The following ZCCHC14 variants were observed in gnomAD, a reference collection of about 807,000 sequenced individuals.
ZCCHC14 encodes the protein zinc finger CCHC-type containing 14, also known as zinc finger CCHC domain-containing protein 14.
ZCCHC14 carries 16 observed loss-of-function variants against 85.0 expected under a neutral mutation model. That is an observed-to-expected ratio of 0.19 (90% confidence interval 0.13 to 0.29). The LOEUF (loss-of-function observed/expected upper bound fraction) is 0.29, where lower values mean the gene tolerates loss of function less well. ZCCHC14 is among the 10% of genes least tolerant of loss of function. The probability of loss-of-function intolerance (pLI) is 1.00; values close to 1 mark genes in which losing one functional copy is unlikely to be tolerated. For synonymous variants in ZCCHC14, 775 were observed against 630.7 expected (o/e 1.23, Z -3.43); for missense variants, 1,303 against 1,443.5 (o/e 0.90, Z 1.58).
chr16:87,413,231 GC>G lies in ZCCHC14; in HGVS notation c.1604-37del, dbSNP rs1335694853. 5.4e-6 allele frequency: 8 copies of G among 1,490,292 alleles called. No homozygotes were observed. In the African/African-American group the frequency reaches 7.0e-5, roughly 13 times the overall value. The allele number at this position is 1,490,292 out of a possible 1,614,324, so 92.3% of individuals were successfully genotyped here. A position where few individuals can be genotyped will look rare whatever the true frequency, so the allele number is the denominator to read the frequency against. On this transcript the variant is annotated intron_variant, in intron 10 of 12. Transcript: ENST00000671377. ...GGGACAGAGGAGCAGCCATCAACTA[GC>G]GCCCCTGCAGGCTCAGCCCGCCCCG... is the stretch of plus-strand genomic sequence containing the variant.
chr16:87,492,023 C>G lies in ZCCHC14; in HGVS notation c.216G>C (p.Leu72=), dbSNP rs1055797189. 5.8e-6 allele frequency: 8 copies of G among 1,389,816 alleles called. No individual in the cohort carries two copies. Among genetic ancestry groups the G allele is most frequent in the African/African-American group, 1.5e-5 (1 of 65,168 alleles). The allele number at this position is 1,389,816 out of a possible 1,614,324, so 86.1% of individuals were successfully genotyped here. A position where few individuals can be genotyped will look rare whatever the true frequency, so the allele number is the denominator to read the frequency against. Residue 72 remains leucine, a synonymous_variant, in exon 1 of 13, where the codon CTG becomes CTC. Coordinates refer to ENST00000671377, the MANE Select transcript of ZCCHC14 (RefSeq NM_015144.3). This position sits in a 1 kb window ranked among gnomAD's most constrained non-coding sequence, Gnocchi z 6.7. ...CGTCCGTCAGGTTGGTGAGGCTGCC[C>G]AGGTCGGCCGGGTTGTTGGCCTTGA... ...SEIKANNPAD[L]GSLTNLTDEV...
intron 2 of ZCCHC14, among the ~76,000 whole-genome samples, chr16:87,456,331 C>T (rs1384738811): frequency 6.6e-6 from 1 of 151,908 alleles, no homozygotes; most frequent in Non-Finnish European, 1.5e-5. Context: ...GAGATCGAGA[C>T]TATCCTGGCT....
At chr16:87,452,855 C>A (rs1030124862) in intron 2 of ZCCHC14, among the ~76,000 whole-genome samples, 56 of 152,192 alleles carry the variant, frequency 3.7e-4, no homozygotes, top group Admixed American at 3.6e-3. Context: ...CTGAAAGAAA[C>A]AGCGAAGCCC....
intron 1 of ZCCHC14, among the ~76,000 whole-genome samples, chr16:87,462,346 T>C (rs965957014): frequency 1.3e-5 from 2 of 152,302 alleles, no homozygotes; most frequent in South Asian, 2.1e-4. Flanking sequence ...ATAGAACCGA[T>C]ACAAGTACGA....
chr16:87,488,554 T>G (rs1215517492), intron 1 of ZCCHC14, among the ~76,000 whole-genome samples: 1 of 152,188 alleles, frequency 6.6e-6, no homozygotes, highest in Non-Finnish European at 1.5e-5. Flanking sequence ...TAATGACTAT[T>G]TCGGAAAATA....
chr16:87,477,400 T>C (rs914289215), intron 1 of ZCCHC14, among the ~76,000 whole-genome samples: 2 of 152,122 alleles, frequency 1.3e-5, no homozygotes, highest in African/African-American at 4.8e-5. Flanking sequence ...GCCGCGCACA[T>C]GGGGCAGCCC....
In ZCCHC14 at chr16:87,407,954, C is replaced by T. The variant is rs1227169146; in HGVS notation, c.*2326G>A. The T allele has an allele frequency of 2.6e-5, 4 of 152,714 alleles. No homozygotes were observed. Among genetic ancestry groups the T allele is most frequent in the African/African-American group, 7.2e-5 (3 of 41,442 alleles). 9.5% of individuals were successfully genotyped at this position (152,714 alleles called of 1,614,324 possible). On this transcript the variant is annotated 3_prime_UTR_variant, in exon 13 of 13. Transcript: ENST00000671377. ...TAGCTCCTACTTACAGCTGACGATTCTCGACTTCGGACGGCCTCCCTGGAG... is the reference window on the plus strand; with the variant it reads ...TAGCTCCTACTTACAGCTGACGATTTTCGACTTCGGACGGCCTCCCTGGAG...
chr16:87,460,277 G>A, intron 1 of ZCCHC14, 146 bp from the exon 2 acceptor site: 3 of 1,183,792 alleles, frequency 2.5e-6, no homozygotes, highest in Middle Eastern at 2.4e-4. Flanking sequence ...CCTTCCCCAA[G>A]AAAGATGAAA....
Position 87,491,654 on chromosome 16 carries a change from G to A in ZCCHC14, c.570+15C>T. On this transcript the variant is annotated intron_variant, in intron 1 of 12. Transcript: ENST00000671377. This position sits in a 1 kb window ranked among gnomAD's most constrained non-coding sequence, Gnocchi z 5.9. ...AGACTTGGGGTACAGGGCAGAGCTC[G>A]GGGCGGGCACGCACCTTGTGGCAGG... The A allele has an allele frequency of 1.4e-6, 2 of 1,394,350 alleles. No individual in the cohort carries two copies. The highest frequency in any genetic ancestry group is 1.7e-5 in the South Asian group (1 of 59,988). The allele number at this position is 1,394,350 out of a possible 1,614,324, so 86.4% of individuals were successfully genotyped here. A position where few individuals can be genotyped will look rare whatever the true frequency, so the allele number is the denominator to read the frequency against.
chr16:87,448,897 T>G (rs968452369), intron 2 of ZCCHC14, among the ~76,000 whole-genome samples: 2 of 152,232 alleles, frequency 1.3e-5, no homozygotes, highest in Non-Finnish European at 2.9e-5. Flanking sequence ...TACGGTAGTG[T>G]AGACTTTCCT....
intron 2 of ZCCHC14, among the ~76,000 whole-genome samples, chr16:87,444,287 T>A (rs912086336): frequency 1.3e-5 from 2 of 152,182 alleles, no homozygotes; most frequent in African/African-American, 4.8e-5. Context: ...AGCAAGGAAT[T>A]GCTCATAGAA....
At position 87,417,457 on chromosome 16, in the gene ZCCHC14, T is replaced by A. The variant is rs751099885; in HGVS notation, c.1383+3A>T. Reference sequence around the variant, plus strand: ...TGTACGGCCAGCCAGAAAACCGACATACCTTCTCCATGGAGAGCTGCTTAA... The same window carrying A: ...TGTACGGCCAGCCAGAAAACCGACAAACCTTCTCCATGGAGAGCTGCTTAA... On this transcript the variant is annotated splice_donor_region_variant and intron_variant, in intron 8 of 12. Transcript: ENST00000671377. 6.2e-7 allele frequency: 1 copy of A among 1,612,572 alleles called. No individual in the cohort carries two copies. Among genetic ancestry groups the A allele is most frequent in the Non-Finnish European group, 8.5e-7 (1 of 1,178,774 alleles).
chr16:87,487,691 C>T (rs1032876488), intron 1 of ZCCHC14, among the ~76,000 whole-genome samples: 2 of 152,226 alleles, frequency 1.3e-5, no homozygotes, highest in African/African-American at 2.4e-5. Context: ...GCCTATTAAC[C>T]ATGAAGACAA....
intron 6 of ZCCHC14, among the ~76,000 whole-genome samples, chr16:87,419,474 T>C (rs1472495204): frequency 6.6e-6 from 1 of 152,242 alleles, no homozygotes; most frequent in East Asian, 1.9e-4. Context: ...CTAATTTTTT[T>C]GTATTTTTAG....
At chr16:87,428,853 C>G (rs1251148738) in intron 3 of ZCCHC14, among the ~76,000 whole-genome samples, 2 of 152,068 alleles carry the variant, frequency 1.3e-5, no homozygotes, top group African/African-American at 4.8e-5. Flanking sequence ...GTGCATATGG[C>G]TGAGTATCTC....
At chr16:87,418,795 A>C (rs1468464185) in intron 7 of ZCCHC14, 52 bp downstream of exon 7, 7 of 1,544,534 alleles carry the variant, frequency 4.5e-6, no homozygotes, top group Non-Finnish European at 5.4e-6. Flanking sequence ...CTCAAAGTAA[A>C]CATTGTAAAA....
rs1243809069 is a variant in ZCCHC14, at chr16:87,492,197, G to A, written c.42C>T (p.Tyr14=). 12 of 985,022 alleles carry A rather than the reference G, an allele frequency of 1.2e-5. No individual in the cohort carries two copies. The highest frequency in any genetic ancestry group is 1.4e-5 in the Non-Finnish European group (12 of 829,812). 61.0% of individuals were successfully genotyped at this position (985,022 alleles called of 1,614,324 possible). Reference sequence around the variant, plus strand: ...GCGACGGCAGCTCCGAGAACCAGCGGTACACGCCGTCCCTCTGCAGCGGGC... The same window carrying A: ...GCGACGGCAGCTCCGAGAACCAGCGATACACGCCGTCCCTCTGCAGCGGGC... ...KRCPLQRDGV[Y]RWFSELPSPQ... is the part of the protein sequence containing the mutation. The change falls in exon 1 of 13, where the codon TAC becomes TAT. Residue 14 remains tyrosine, a synonymous_variant. Coordinates refer to ENST00000671377, the MANE Select transcript of ZCCHC14 (RefSeq NM_015144.3). The surrounding 1 kb of genome is among the most constrained non-coding windows in gnomAD (Gnocchi z 6.7).
chr16:87,415,129 T>TA, intron 9 of ZCCHC14, 147 bp downstream of exon 9: 1 of 596,154 alleles, frequency 1.7e-6, no homozygotes. Context: ...AATAAATAAA[T>TA]AAAAATAAAT....
rs577642115 is a variant in ZCCHC14, at chr16:87,434,264, G to A, written c.695-1063C>T. Among the ~76,000 whole-genome samples, 15 of 152,288 alleles carry A rather than the reference G, an allele frequency of 9.8e-5. No homozygotes were observed. The South Asian group carries it at 1.9e-3, about 19-fold the overall frequency. ...GCTCAAAATAAAACAGCCGCGTATC[G>A]AACATGCTGTAGTTTCTGACTCAGC... is the stretch of plus-strand genomic sequence containing the variant. On this transcript the variant is annotated intron_variant, in intron 2 of 12. Transcript: ENST00000671377.
Sources: gnomAD v4.1 joint callset for allele counts (sites outside exome capture counted in the v4.1 genomes callset) on GRCh38, gnomAD v4.1.1 for gene constraint, Gnocchi (gnomAD v3.1) non-coding constraint, MANE v1.5 for transcripts, NCBI Gene and HGNC (gene_info 2026-07-23, HGNC 2026-07-21) for gene names.